Variants in SNED1 observed in about 807,000 individuals in gnomAD.
SNED1 encodes sushi, nidogen and EGF like domains 1.
Under a neutral mutation model 166.7 loss-of-function variants are expected in SNED1, and 81 were observed. The ratio of observed to expected loss-of-function variants is 0.49; its 90% CI spans 0.41 to 0.58. The LOEUF (loss-of-function observed/expected upper bound fraction) is 0.58. Ranked by LOEUF, SNED1 falls within the 20% of genes least tolerant of loss-of-function variation. SNED1 has a pLI of 0.00. For missense variants in SNED1, 1,604 were observed against 2,000.2 expected (o/e 0.80, Z 3.78); for synonymous variants, 762 against 822.0 (o/e 0.93, Z 1.25).
chr2:241,062,044 A>T (rs911514824), intron 16 of SNED1, among the ~76,000 whole-genome samples: 2 of 152,206 alleles, frequency 1.3e-5, no homozygotes, highest in African/African-American at 4.8e-5. Context: ...GAGAGAAGAC[A>T]ATATATATCA....
chr2:241,037,439 G>C lies in SNED1; in HGVS notation c.1045+86G>C. ...GCTGGACAAGGCTGAGGTCTTGGAA[G>C]GTCCAGCAGCTGTGCATGCTGCAAG... On this transcript the variant is annotated intron_variant, in intron 6 of 31. Coordinates refer to ENST00000310397, the MANE Select transcript of SNED1 (RefSeq NM_001080437.3). 3 of 942,280 alleles carry C rather than the reference G, an allele frequency of 3.2e-6. No individual in the cohort carries two copies. The South Asian group carries it at 4.5e-5, about 14-fold the overall frequency. The allele number at this position is 942,280 out of a possible 1,614,324, so 58.4% of individuals were successfully genotyped here. A position where few individuals can be genotyped will look rare whatever the true frequency, so the allele number is the denominator to read the frequency against.
Position 241,073,065 on chromosome 2 carries a change from A to G in SNED1, c.3818-201A>G. The G allele has an allele frequency of 1.8e-6, 1 of 567,900 alleles. No homozygotes were observed. The highest frequency in any genetic ancestry group is 2.8e-5 in the East Asian group (1 of 35,198). 35.2% of individuals were successfully genotyped at this position (567,900 alleles called of 1,614,324 possible). On this transcript the variant is annotated intron_variant, in intron 26 of 31. Coordinates refer to ENST00000310397, the MANE Select transcript of SNED1 (RefSeq NM_001080437.3). This position sits in a 1 kb window ranked among gnomAD's most constrained non-coding sequence, Gnocchi z 6.6. ...TGCAAGGGGAAGGCCGAGCCCCTCC[A>G]GAGGGTCAGCAGGAGGGTGAGGCCA... is the stretch of plus-strand genomic sequence containing the variant.
chr2:241,065,126 A>T (rs983556253), intron 20 of SNED1, among the ~76,000 whole-genome samples, 169 bp downstream of exon 20: 5 of 152,040 alleles, frequency 3.3e-5, no homozygotes, highest in African/African-American at 1.2e-4. Flanking sequence ...ACGGTCACAC[A>T]TTCAAAAGTG....
intron 24 of SNED1, 60 bp from the exon 25 acceptor site, chr2:241,071,516 G>A (rs752947767): frequency 1.4e-5 from 22 of 1,541,102 alleles, no homozygotes; most frequent in Middle Eastern, 2.1e-4. Context: ...ATGCCACAGG[G>A]GCAGGGACAG....
Position 241,052,170 on chromosome 2 carries a change from G to A in SNED1, c.1969+13G>A. ...CACTGCGAGATAGGTAAGGTGGGTGGGAGGCCAGGCCAGGGCGGCCAGGGG... is the reference window on the plus strand; with the variant it reads ...CACTGCGAGATAGGTAAGGTGGGTGAGAGGCCAGGCCAGGGCGGCCAGGGG... On this transcript the variant is annotated intron_variant, in intron 14 of 31. Transcript: ENST00000310397. The A allele has an allele frequency of 1.2e-6, 2 of 1,607,066 alleles. No individual in the cohort carries two copies. Among genetic ancestry groups the A allele is most frequent in the East Asian group, 2.2e-5 (1 of 44,808 alleles).
chr2:241,002,454 C>T (rs1460526752), intron 1 of SNED1, among the ~76,000 whole-genome samples: 1 of 152,224 alleles, frequency 6.6e-6, no homozygotes, highest in Non-Finnish European at 1.5e-5. Context: ...TGGCCCACCC[C>T]CTGCTATGGG....
At position 241,052,081 on chromosome 2, in the gene SNED1, C is replaced by A; in HGVS notation, c.1893C>A (p.Gly631=). ...GTGCCTCTGGCCCCTGTCACAACGGCGGCACCTGCTTCCACTACATTGGCA... is the reference window on the plus strand; with the variant it reads ...GTGCCTCTGGCCCCTGTCACAACGGAGGCACCTGCTTCCACTACATTGGCA... ...DSCASGPCHN[G]GTCFHYIGKY... Residue 631 remains glycine, a synonymous_variant, in exon 14 of 32, where the codon GGC becomes GGA. Coordinates refer to ENST00000310397, the MANE Select transcript of SNED1 (RefSeq NM_001080437.3). The A allele has an allele frequency of 6.2e-7, 1 of 1,613,884 alleles. No homozygotes were observed.
At chr2:241,070,917 C>A (rs1037242622) in intron 24 of SNED1, among the ~76,000 whole-genome samples, 4 of 152,224 alleles carry the variant, frequency 2.6e-5, no homozygotes, top group African/African-American at 9.6e-5. Context: ...TGACCCCAGG[C>A]TCCTCCCCAA....
In SNED1 at chr2:241,053,178, G is replaced by A; in HGVS notation, c.2109G>A (p.Glu703=). 1.9e-6 allele frequency: 3 copies of A among 1,611,030 alleles called. No homozygotes were observed. Among genetic ancestry groups the A allele is most frequent in the Non-Finnish European group, 2.5e-6 (3 of 1,179,392 alleles). Residue 703 remains glutamate, a synonymous_variant, in exon 16 of 32, where the codon GAG becomes GAA. Coordinates refer to ENST00000310397, the MANE Select transcript of SNED1 (RefSeq NM_001080437.3). The part of the protein sequence containing the change: ...QAEVDCGPPE[E]VKHATLRFNG... ...AGGTGGACTGCGGCCCCCCGGAGGA[G>A]GTGAAGCACGCCACACTGCGCTTCA...
chr2:241,041,127 G>A (rs762654916), intron 8 of SNED1: 6 of 314,986 alleles, frequency 1.9e-5, no homozygotes, highest in Non-Finnish European at 3.7e-5. Flanking sequence ...AGGGTCATGG[G>A]CCCTCCATCA....
At chr2:241,087,310 G>A in intron 29 of SNED1, 82 bp from the exon 30 acceptor site, 1 of 1,331,204 alleles carries the variant, frequency 7.5e-7, no homozygotes, top group East Asian at 2.6e-5. Context: ...CAGGTTTACT[G>A]TGGGTTCACA....
rs1045819054 is a variant in SNED1 at position 241,018,001 on chromosome 2, C to T, written c.214-12283C>T. ...ATCCGGAATTGAAAGTCTCATGTCC[C>T]GGGGACCCCCTCAGTTCCAGGCAAA... On this transcript the variant is annotated intron_variant, in intron 1 of 31. Coordinates refer to ENST00000310397, the MANE Select transcript of SNED1 (RefSeq NM_001080437.3). This position sits in a 1 kb window ranked among gnomAD's most constrained non-coding sequence, Gnocchi z 5.4. Among the ~76,000 whole-genome samples the T allele has an allele frequency of 2.6e-5, 4 of 152,064 alleles. No homozygotes were observed. The highest frequency in any genetic ancestry group is 4.8e-5 in the African/African-American group (2 of 41,332).
Position 241,036,825 on chromosome 2 carries a change from GGCGGCAA to G in SNED1, c.843_849del (p.Gly282AlafsTer29). 1 of 1,610,794 alleles carries G rather than the reference GGCGGCAA, an allele frequency of 6.2e-7. No individual in the cohort carries two copies. Among genetic ancestry groups the G allele is most frequent in the East Asian group, 2.2e-5 (1 of 44,846 alleles). ...CCTGGCCCTGCGCCCCTGCCTCAAC[GGCGGCAA>G]GTGCATCGACGACTGCGTCACGGGC... On this transcript the variant is annotated frameshift_variant, in exon 5 of 32. Transcript: ENST00000310397. LOFTEE classifies it high-confidence loss of function.
At chr2:241,074,427 G>A (rs768155422) in intron 27 of SNED1, 36 of 152,180 alleles carry the variant, frequency 2.4e-4, no homozygotes, top group Non-Finnish European at 4.7e-4. Flanking sequence ...GAAGACTCTC[G>A]TGTTGATCTT....
chr2:241,042,072 G>C (rs1198276906), intron 8 of SNED1, among the ~76,000 whole-genome samples: 1 of 152,184 alleles, frequency 6.6e-6, no homozygotes, highest in African/African-American at 2.4e-5. Flanking sequence ...GAGGAACTGA[G>C]AGTCCAGCAG....
chr2:241,028,834 A>G (rs1419235933), intron 1 of SNED1, among the ~76,000 whole-genome samples: 3 of 151,944 alleles, frequency 2.0e-5, no homozygotes, highest in African/African-American at 4.8e-5. Context: ...TAATTCCAGT[A>G]TCTGCTGTTT....
rs764516508 is a variant in SNED1 at position 241,091,918 on chromosome 2, T to C, written c.*282T>C. 2 of 152,310 alleles carry C rather than the reference T, an allele frequency of 1.3e-5. No homozygotes were observed. Among genetic ancestry groups the C allele is most frequent in the African/African-American group, 2.4e-5 (1 of 41,452 alleles). The allele number at this position is 152,310 out of a possible 1,614,324, so 9.4% of individuals were successfully genotyped here. On this transcript the variant is annotated 3_prime_UTR_variant, in exon 32 of 32. Transcript: ENST00000310397. This position sits in a 1 kb window ranked among gnomAD's most constrained non-coding sequence, Gnocchi z 4.1. Reference sequence around the variant, plus strand: ...ACCCAAGCTGCAGTTCCTGAAGGTGTAGTCTGTGTCTCTGCGGATGAGATG... The same window carrying C: ...ACCCAAGCTGCAGTTCCTGAAGGTGCAGTCTGTGTCTCTGCGGATGAGATG...
rs2064356122 is a variant in SNED1 at position 241,095,530 on chromosome 2, T to C, written c.*3894T>C. 6.2e-6 allele frequency: 1 copy of C among 162,402 alleles called. No individual in the cohort carries two copies. Among genetic ancestry groups the C allele is most frequent in the Non-Finnish European group, 1.4e-5 (1 of 73,840 alleles). 10.1% of individuals were successfully genotyped at this position (162,402 alleles called of 1,614,324 possible). On this transcript the variant is annotated 3_prime_UTR_variant, in exon 32 of 32. Transcript: ENST00000310397. ...ATTTTTGTGGAAAATCTGCTACATG[T>C]TTTCATAAAATAAAGTGCTATGATG...
intron 1 of SNED1, among the ~76,000 whole-genome samples, chr2:241,003,945 G>A (rs1243830054): frequency 6.6e-6 from 1 of 152,276 alleles, no homozygotes; most frequent in Non-Finnish European, 1.5e-5. Context: ...GGTTTCTGAT[G>A]AGCCCTTTCT....
Sources: allele counts gnomAD v4.1 joint callset (sites outside exome capture counted in the v4.1 genomes callset), GRCh38; gene constraint gnomAD v4.1.1; non-coding constraint Gnocchi (gnomAD v3.1); transcripts MANE v1.5; gene names NCBI Gene and HGNC (gene_info 2026-07-23, HGNC 2026-07-21).